NCALD: variants seen among roughly 807,000 people sequenced by gnomAD.
NCALD encodes the protein neurocalcin-delta.
NCALD carries 10 observed loss-of-function variants against 18.6 expected under a neutral mutation model. The ratio of observed to expected loss-of-function variants is 0.54; its 90% CI spans 0.33 to 0.91. The LOEUF is 0.91. NCALD is among the 40% of genes least tolerant of loss of function. The probability of loss-of-function intolerance (pLI) is 0.03; values close to 1 mark genes in which losing one functional copy is unlikely to be tolerated. For missense variants in NCALD, 184 were observed against 247.6 expected, an observed-to-expected ratio of 0.74 and a Z score of 1.72; for synonymous variants, 88 against 87.4, an observed-to-expected ratio of 1.01 and a Z score of -0.04.
At chr8:101,956,484 C>T (rs548985677) in intron 2 of NCALD, among the ~76,000 whole-genome samples, 5 of 152,202 alleles carry the variant, frequency 3.3e-5, no homozygotes, top group South Asian at 4.1e-4. Context: ...AAACACACAC[C>T]GAAGGCAAGT....
chr8:101,726,843 G>T (rs1367126485), intron 1 of NCALD, among the ~76,000 whole-genome samples: 1 of 152,158 alleles, frequency 6.6e-6, no homozygotes, highest in Non-Finnish European at 1.5e-5. Flanking sequence ...GGAAGTGAAT[G>T]TGTATACTGT....
chr8:101,995,655 G>A (rs143935138), intron 2 of NCALD, among the ~76,000 whole-genome samples: 164 of 152,242 alleles, frequency 1.1e-3, no homozygotes, highest in Middle Eastern at 3.4e-3. Flanking sequence ...ATTCATGAGG[G>A]ATTCACCCCC....
chr8:101,963,951 C>G (rs1819929356), intron 2 of NCALD, among the ~76,000 whole-genome samples: 1 of 152,140 alleles, frequency 6.6e-6, no homozygotes, highest in South Asian at 2.1e-4. Flanking sequence ...AAATGACCAG[C>G]CTCTTATACT....
chr8:102,114,501 T>C (rs541007996), intron 1 of NCALD, among the ~76,000 whole-genome samples: 26 of 152,150 alleles, frequency 1.7e-4, no homozygotes, highest in Non-Finnish European at 3.5e-4. Context: ...CTAAGGCTAG[T>C]AATAGCAGGA....
At chr8:102,121,529 T>A (rs1038763348) in intron 1 of NCALD, among the ~76,000 whole-genome samples, 1 of 152,228 alleles carries the variant, frequency 6.6e-6, no homozygotes, top group African/African-American at 2.4e-5. Context: ...TTCTGAGGGA[T>A]GCTATACATA....
intron 1 of NCALD, among the ~76,000 whole-genome samples, chr8:101,730,091 G>A (rs1017463022): frequency 3.9e-5 from 6 of 152,068 alleles, no homozygotes; most frequent in Non-Finnish European, 4.4e-5. Flanking sequence ...TAAATCATAC[G>A]TATCCCCTTA....
At chr8:101,785,100 T>C (rs1001846831) in intron 1 of NCALD, among the ~76,000 whole-genome samples, 2 of 152,226 alleles carry the variant, frequency 1.3e-5, no homozygotes, top group African/African-American at 4.8e-5. Context: ...TATACTTGTG[T>C]GACACTCAGC....
intron 4 of NCALD, among the ~76,000 whole-genome samples, chr8:101,864,345 T>C (rs1344173761): frequency 6.6e-6 from 1 of 152,178 alleles, no homozygotes; most frequent in Non-Finnish European, 1.5e-5. Context: ...AAAGCCACAG[T>C]GCACACAGTG....
intron 1 of NCALD, among the ~76,000 whole-genome samples, chr8:101,734,353 C>T (rs1816982401): frequency 6.6e-6 from 1 of 152,190 alleles, no homozygotes; most frequent in Admixed American, 6.5e-5. Flanking sequence ...GCTCCAATCA[C>T]ATCTTGTGCT....
intron 4 of NCALD, among the ~76,000 whole-genome samples, chr8:101,885,633 C>T (rs749567744): frequency 2.0e-4 from 30 of 152,180 alleles, no homozygotes; most frequent in Non-Finnish European, 4.1e-4. Context: ...TCCCTTTGCT[C>T]CATGTGAATG....
chr8:101,953,383 C>G (rs1347984302), intron 2 of NCALD, among the ~76,000 whole-genome samples: 1 of 152,190 alleles, frequency 6.6e-6, no homozygotes, highest in Admixed American at 6.5e-5. Flanking sequence ...AGGACCTGAC[C>G]TTATGCCAAT....
intron 1 of NCALD, among the ~76,000 whole-genome samples, chr8:102,091,680 C>T (rs950156570): frequency 6.6e-6 from 1 of 152,162 alleles, no homozygotes; most frequent in Non-Finnish European, 1.5e-5. Flanking sequence ...TGTAGGAATG[C>T]AGGATAAGCT....
chr8:101,814,731 C>T (rs1377998432), intron 4 of NCALD, among the ~76,000 whole-genome samples: 2 of 151,996 alleles, frequency 1.3e-5, no homozygotes, highest in African/African-American at 2.4e-5. Context: ...TCAAAAAACT[C>T]CTGTACTAAT....
chr8:101,835,920 T>C (rs527720161), intron 4 of NCALD, among the ~76,000 whole-genome samples: 15 of 152,234 alleles, frequency 9.9e-5, no homozygotes, highest in Admixed American at 9.8e-4. Flanking sequence ...AGGGCCTTGT[T>C]ACCCAAAGAC....
In NCALD at chr8:101,743,358, AG is replaced by A. The variant is rs1027488647; in HGVS notation, c.-19-23711del. Among the ~76,000 whole-genome samples the A allele has an allele frequency of 2.2e-4, 34 of 152,326 alleles. 1 individual carries two copies. Among genetic ancestry groups the A allele is most frequent in the African/African-American group, 8.2e-4 (34 of 41,588 alleles). ...CAGATAGAGGACTGCTTTATACAAA[AG>A]TTGTGATATCTATATTCAAATAGCA... On this transcript the variant is annotated intron_variant, in intron 1 of 3. Coordinates refer to ENST00000220931, the MANE Select transcript of NCALD (RefSeq NM_032041.3).
At chr8:102,116,943 C>T (rs982944151) in intron 1 of NCALD, among the ~76,000 whole-genome samples, 4 of 152,194 alleles carry the variant, frequency 2.6e-5, no homozygotes, top group African/African-American at 7.2e-5. Context: ...TGACAAATGT[C>T]TTTATAAAAG....
chr8:101,816,139 G>A (rs1027922940), intron 4 of NCALD, among the ~76,000 whole-genome samples: 1 of 152,130 alleles, frequency 6.6e-6, no homozygotes, highest in Non-Finnish European at 1.5e-5. Flanking sequence ...GAGGGTCAGA[G>A]GGAGGCGGAT....
intron 1 of NCALD, among the ~76,000 whole-genome samples, chr8:102,117,901 T>G (rs1825838642): frequency 6.6e-6 from 1 of 152,242 alleles, no homozygotes; most frequent in Non-Finnish European, 1.5e-5. Context: ...TCCAGCTGCA[T>G]ATACAGAAGA....
At chr8:101,934,313 A>G (rs1322801902) in intron 2 of NCALD, among the ~76,000 whole-genome samples, 1 of 152,140 alleles carries the variant, frequency 6.6e-6, no homozygotes, top group African/African-American at 2.4e-5. Flanking sequence ...TAATAGCTAA[A>G]TGGGTTTTGA....
Sources: gnomAD v4.1 joint callset for allele counts (sites outside exome capture counted in the v4.1 genomes callset) on GRCh38, gnomAD v4.1.1 for gene constraint, MANE v1.5 for transcripts, NCBI Gene and HGNC (gene_info 2026-07-23, HGNC 2026-07-21) for gene names.